DOCK3: variants seen among roughly 807,000 people sequenced by gnomAD.
The protein encoded by DOCK3 is dedicator of cytokinesis protein 3.
Under a neutral mutation model 265.6 loss-of-function variants are expected in DOCK3, and 60 were observed. That is an observed-to-expected ratio of 0.23 (90% CI 0.18 to 0.28). The LOEUF is 0.28. Ranked by LOEUF, DOCK3 falls within the 10% of genes least tolerant of loss-of-function variation. The pLI, the probability that DOCK3 is intolerant of heterozygous loss-of-function variation, is 1.00. For missense variants in DOCK3, 1,981 were observed against 2,594.3 expected (o/e 0.76, Z 5.14); for synonymous variants, 881 against 938.0 (o/e 0.94, Z 1.11).
intron 9 of DOCK3, among the ~76,000 whole-genome samples, chr3:51,144,729 C>A (rs889884228): frequency 6.6e-6 from 1 of 152,192 alleles, no homozygotes; most frequent in African/African-American, 2.4e-5. Context: ...GAAAAAGTAC[C>A]TTGTATATGT....
chr3:51,220,670 A>ATATATATAT (rs1491190890), intron 14 of DOCK3, among the ~76,000 whole-genome samples: 3 of 108,068 alleles, frequency 2.8e-5, no homozygotes, highest in African/African-American at 1.2e-4. Flanking sequence ...AAAAAAAAAA[A>ATATATATAT]ATATATATAT....
At chr3:50,717,449 A>G (rs2037184489) in intron 1 of DOCK3, among the ~76,000 whole-genome samples, 3 of 151,948 alleles carry the variant, frequency 2.0e-5, no homozygotes, top group African/African-American at 2.4e-5. Flanking sequence ...TGTTGATTCC[A>G]TATATTTATG....
At chr3:51,308,844 G>A (rs1482502275) in intron 27 of DOCK3, among the ~76,000 whole-genome samples, 13 of 149,836 alleles carry the variant, frequency 8.7e-5, no homozygotes, top group South Asian at 4.3e-4. Context: ...GCTGCCGGGC[G>A]GAGGGGCTCC....
At chr3:51,148,678 C>T (rs1264763005) in intron 10 of DOCK3, among the ~76,000 whole-genome samples, 1 of 152,082 alleles carries the variant, frequency 6.6e-6, no homozygotes, top group Non-Finnish European at 1.5e-5. Flanking sequence ...TTTCTGAGAC[C>T]TCTGTTCTGT....
chr3:50,855,596 C>T (rs1042470190), intron 3 of DOCK3, among the ~76,000 whole-genome samples: 26 of 152,198 alleles, frequency 1.7e-4, no homozygotes, highest in Non-Finnish European at 2.9e-4. Flanking sequence ...GATAGGGTCA[C>T]GTAGTAAGTG....
chr3:50,933,346 A>G (rs1361592542), intron 4 of DOCK3, among the ~76,000 whole-genome samples: 1 of 152,190 alleles, frequency 6.6e-6, no homozygotes, highest in Admixed American at 6.5e-5. Context: ...TAAATTTTTG[A>G]CAGTTAGCAC....
chr3:51,090,503 A>G, intron 9 of DOCK3, 119 bp downstream of exon 9: 1 of 1,086,096 alleles, frequency 9.2e-7, no homozygotes, highest in Non-Finnish European at 1.2e-6. Flanking sequence ...AAGTAACCTC[A>G]TCTCATTAGC....
intron 5 of DOCK3, among the ~76,000 whole-genome samples, chr3:50,954,130 C>T (rs2076668003): frequency 6.6e-6 from 1 of 152,026 alleles, no homozygotes; most frequent in Non-Finnish European, 1.5e-5. Flanking sequence ...CCCATATATC[C>T]TGGAAACCAC....
chr3:50,991,621 A>G (rs755053939), intron 5 of DOCK3, among the ~76,000 whole-genome samples: 1 of 152,222 alleles, frequency 6.6e-6, no homozygotes, highest in Non-Finnish European at 1.5e-5. Context: ...AGAGACACAG[A>G]GTTTTACACA....
chr3:50,898,623 T>C (rs1406741203), intron 4 of DOCK3: 4 of 152,254 alleles, frequency 2.6e-5, no homozygotes, highest in African/African-American at 7.2e-5. Flanking sequence ...TTTAGTGCTA[T>C]AAATTTCCCC....
chr3:51,241,176 G>A (rs112162648), intron 21 of DOCK3, among the ~76,000 whole-genome samples: 2,047 of 152,094 alleles, frequency 0.013, 54 homozygotes, highest in African/African-American at 0.045. Flanking sequence ...TTTCTCCTTC[G>A]CTTATGAAGC....
intron 4 of DOCK3, among the ~76,000 whole-genome samples, chr3:50,911,802 A>T (rs1334370802): frequency 6.6e-6 from 1 of 152,024 alleles, no homozygotes; most frequent in Non-Finnish European, 1.5e-5. Flanking sequence ...CTATTCATGA[A>T]CATGGACTTT....
chr3:51,034,698 A>G lies in DOCK3; in HGVS notation c.316-29750A>G, dbSNP rs2080189847. On this transcript the variant is annotated intron_variant, in intron 5 of 52. Transcript: ENST00000266037. ...ACATTTACTGGTTCCAGTGTTATTCATTTCTGTAGATTTAGGAGTGGAGTT... is the reference window on the plus strand; with the variant it reads ...ACATTTACTGGTTCCAGTGTTATTCGTTTCTGTAGATTTAGGAGTGGAGTT... 2.6e-5 allele frequency among the ~76,000 whole-genome samples: 4 copies of G among 152,058 alleles called. No individual in the cohort carries two copies. The South Asian group carries it at 8.3e-4, about 32-fold the overall frequency.
intron 27 of DOCK3, among the ~76,000 whole-genome samples, chr3:51,287,420 G>A (rs561856790): frequency 6.6e-6 from 1 of 152,178 alleles, no homozygotes; most frequent in Non-Finnish European, 1.5e-5. Flanking sequence ...CAGACATGGT[G>A]ACATGTGCCT....
intron 2 of DOCK3, among the ~76,000 whole-genome samples, chr3:50,824,602 G>A (rs150529541): frequency 2.0e-5 from 3 of 152,214 alleles, no homozygotes; most frequent in African/African-American, 7.2e-5. Context: ...CCTGTTCACT[G>A]CCATTTCCTA....
intron 4 of DOCK3, among the ~76,000 whole-genome samples, chr3:50,921,198 A>G (rs1055322658): frequency 2.0e-5 from 3 of 152,098 alleles, no homozygotes; most frequent in African/African-American, 2.4e-5. Context: ...AATAAGTGTG[A>G]TAAGTGATCT....
intron 5 of DOCK3, among the ~76,000 whole-genome samples, chr3:50,962,716 T>A (rs75032012): frequency 1.4e-5 from 2 of 139,302 alleles, no homozygotes; most frequent in Non-Finnish European, 3.2e-5. Flanking sequence ...GGACTCTTTT[T>A]TATTTTTTCT....
rs947488379 is a variant in DOCK3 at position 50,958,439 on chromosome 3, C to T, written c.315+24362C>T. ...TGTGTGTACCACAGGTGGCTCAAGGCCAACATGTCTTTTCGGCCTCTGTGC... is the reference window on the plus strand; with the variant it reads ...TGTGTGTACCACAGGTGGCTCAAGGTCAACATGTCTTTTCGGCCTCTGTGC... On this transcript the variant is annotated intron_variant, in intron 5 of 52. Transcript: ENST00000266037. Among the ~76,000 whole-genome samples the T allele has an allele frequency of 1.6e-4, 25 of 152,114 alleles. 1 individual carries two copies. Among genetic ancestry groups the T allele is most frequent in the African/African-American group, 2.4e-5 (1 of 41,412 alleles).
In DOCK3 at chr3:50,741,572, G is replaced by A. The variant is rs1232565085; in HGVS notation, c.38-37103G>A. Among the ~76,000 whole-genome samples, 253 of 150,918 alleles carry A rather than the reference G, an allele frequency of 1.7e-3. 2 individuals are homozygous for A. Among genetic ancestry groups the A allele is most frequent in the African/African-American group, 5.5e-3 (226 of 41,008 alleles). ...AGTTTACTGAGAATGATGATTTCCA[G>A]TTTCATCCATGTCCCTACAAAGGAC... On this transcript the variant is annotated intron_variant, in intron 1 of 52. Transcript: ENST00000266037.
Sources: gnomAD v4.1 joint callset for allele counts (sites outside exome capture counted in the v4.1 genomes callset) on GRCh38, gnomAD v4.1.1 for gene constraint, MANE v1.5 for transcripts, NCBI Gene and HGNC (gene_info 2026-07-23, HGNC 2026-07-21) for gene names.